The following ANAPC10 variants were observed in gnomAD, a reference collection of about 807,000 sequenced individuals.
The protein encoded by ANAPC10 is anaphase-promoting complex subunit 10.
A neutral mutation model predicts 22.0 loss-of-function variants in ANAPC10; 12 were observed. The ratio of observed to expected loss-of-function variants is 0.55; its 90% CI spans 0.35 to 0.88. The LOEUF is 0.88. Among genes scored for constraint, ANAPC10 ranks in the 40% least tolerant of loss-of-function variants. The pLI, the probability that ANAPC10 is intolerant of heterozygous loss-of-function variation, is 0.01. For missense variants in ANAPC10, 188 were observed against 220.9 expected (o/e 0.85, Z 0.94); for synonymous variants, 65 against 69.5 (o/e 0.94, Z 0.32).
intron 3 of ANAPC10, 111 bp downstream of exon 3, chr4:145,081,549 A>C: frequency 1.5e-6 from 1 of 665,108 alleles, no homozygotes. Context: ...CAGAGTTTAA[A>C]AAGTTAAGTG....
chr4:145,087,994 G>A (rs574972044), intron 2 of ANAPC10, among the ~76,000 whole-genome samples: 1 of 152,204 alleles, frequency 6.6e-6, no homozygotes, highest in South Asian at 2.1e-4. Context: ...GTTGCAGTGA[G>A]CTGAGATCGC....
At chr4:145,014,418 C>T (rs186808346) in intron 4 of ANAPC10, among the ~76,000 whole-genome samples, 156 of 152,216 alleles carry the variant, frequency 1.0e-3, no homozygotes, top group African/African-American at 3.7e-3. Context: ...CTATCCCCCA[C>T]AGCAGCTGCA....
At chr4:145,003,335 A>G (rs1424883024) in intron 4 of ANAPC10, among the ~76,000 whole-genome samples, 1 of 152,192 alleles carries the variant, frequency 6.6e-6, no homozygotes, top group Non-Finnish European at 1.5e-5. Context: ...AGCTGCAATG[A>G]ACATACATGT....
At chr4:145,038,281 G>T (rs1247379116) in intron 4 of ANAPC10, among the ~76,000 whole-genome samples, 4 of 152,202 alleles carry the variant, frequency 2.6e-5, no homozygotes, top group Non-Finnish European at 5.9e-5. Context: ...GGGAGGCCAA[G>T]GTAGGTGGAT....
In ANAPC10 at chr4:145,064,577, T is replaced by C; in HGVS notation, c.322A>G (p.Ile108Val). 6.2e-7 allele frequency: 1 copy of C among 1,602,312 alleles called. No homozygotes were observed. Residue 108 changes from isoleucine (I) to valine (V), a missense_variant, in exon 4 of 5, where the codon ATT becomes GTT. Coordinates refer to ENST00000507656, the MANE Select transcript of ANAPC10 (RefSeq NM_001256706.2). ...TAAAAATTTGAAAGACATACCCGAA[T>C]TTCTTGAAGGTTGTGAAAATTATTT... ...VGNNFHNLQE[I>V]RQLELVEPSG... is the part of the protein sequence containing the mutation.
rs1057221347 is a variant in ANAPC10, at chr4:145,060,541, T to C, written c.327+4031A>G. ...ACTTCAAATCAACAATTACAAAAAA[T>C]AAGCATCTCAAGTAAACAAATTCAT... On this transcript the variant is annotated intron_variant, in intron 4 of 4. Transcript: ENST00000507656. 2.6e-4 allele frequency among the ~76,000 whole-genome samples: 39 copies of C among 151,632 alleles called. 1 individual carries two copies. Among genetic ancestry groups the C allele is most frequent in the Non-Finnish European group, 5.8e-4 (39 of 67,788 alleles).
At chr4:144,996,286 A>T (rs191130291) in intron 4 of ANAPC10, among the ~76,000 whole-genome samples, 1 of 152,336 alleles carries the variant, frequency 6.6e-6, no homozygotes, top group Non-Finnish European at 1.5e-5. Context: ...CTGTCTACAG[A>T]CTGTAAAGAG....
At chr4:145,062,448 A>C (rs1214170273) in intron 4 of ANAPC10, among the ~76,000 whole-genome samples, 1 of 151,640 alleles carries the variant, frequency 6.6e-6, no homozygotes, top group African/African-American at 2.4e-5. Flanking sequence ...TCTACTAAAA[A>C]TAGAAAAAAT....
At chr4:145,057,243 C>T (rs80078362) in intron 4 of ANAPC10, among the ~76,000 whole-genome samples, 219 of 152,170 alleles carry the variant, frequency 1.4e-3, no homozygotes, top group African/African-American at 5.0e-3. Flanking sequence ...ACAATTACTC[C>T]AAAGAGTGCT....
chr4:145,020,277 AAC>A (rs1735782820), intron 4 of ANAPC10, among the ~76,000 whole-genome samples: 1 of 152,228 alleles, frequency 6.6e-6, no homozygotes, highest in African/African-American at 2.4e-5. Flanking sequence ...GGGATGGTTT[AAC>A]ATCCACAAGT....
chr4:145,061,775 G>A (rs1036430647), intron 4 of ANAPC10, among the ~76,000 whole-genome samples: 1 of 152,162 alleles, frequency 6.6e-6, no homozygotes, highest in African/African-American at 2.4e-5. Context: ...CTGATTAAAT[G>A]TATCAGATAT....
chr4:145,089,506 C>T (rs905123282), intron 2 of ANAPC10, among the ~76,000 whole-genome samples: 5 of 152,116 alleles, frequency 3.3e-5, no homozygotes, highest in African/African-American at 4.8e-5. Flanking sequence ...CCCTATTATA[C>T]GGTAGCAGTC....
chr4:145,057,214 C>T (rs1176760526), intron 4 of ANAPC10, among the ~76,000 whole-genome samples: 1 of 151,982 alleles, frequency 6.6e-6, no homozygotes, highest in Non-Finnish European at 1.5e-5. Context: ...TCATTAGTCC[C>T]CAATCTATAA....
At chr4:145,031,143 A>C (rs1036808881) in intron 4 of ANAPC10, among the ~76,000 whole-genome samples, 10 of 152,168 alleles carry the variant, frequency 6.6e-5, no homozygotes, top group African/African-American at 2.4e-4. Flanking sequence ...TTACTGTCCT[A>C]CCTCACGGGT....
intron 2 of ANAPC10, 102 bp from the exon 3 acceptor site, chr4:145,081,852 C>A: frequency 1.2e-6 from 1 of 801,144 alleles, no homozygotes; most frequent in Non-Finnish European, 2.1e-6. Flanking sequence ...TTTTGATAAA[C>A]AGAAAGGTCA....
chr4:145,031,774 G>T (rs1383416834), intron 4 of ANAPC10, among the ~76,000 whole-genome samples: 3 of 152,202 alleles, frequency 2.0e-5, no homozygotes, highest in Non-Finnish European at 4.4e-5. Context: ...CACAGCAAGG[G>T]CCTGCCATCT....
At chr4:145,015,948 A>C (rs1374000562) in intron 4 of ANAPC10, among the ~76,000 whole-genome samples, 1 of 152,146 alleles carries the variant, frequency 6.6e-6, no homozygotes, top group Non-Finnish European at 1.5e-5. Context: ...TCGAAACCTT[A>C]AAACAAATCC....
intron 4 of ANAPC10, among the ~76,000 whole-genome samples, chr4:145,022,434 T>C (rs998156867): frequency 6.6e-6 from 1 of 152,062 alleles, no homozygotes; most frequent in Non-Finnish European, 1.5e-5. Context: ...AAACATCGTA[T>C]ATTCTCACTG....
At chr4:145,078,000 A>G (rs186011799) in intron 3 of ANAPC10, among the ~76,000 whole-genome samples, 109 of 152,296 alleles carry the variant, frequency 7.2e-4, no homozygotes, top group Non-Finnish European at 8.5e-4. Flanking sequence ...TCTATTCAAC[A>G]TAGTTCTAGA....
Sources: gnomAD v4.1 joint callset for allele counts (sites outside exome capture counted in the v4.1 genomes callset) on GRCh38, gnomAD v4.1.1 for gene constraint, MANE v1.5 for transcripts, NCBI Gene and HGNC (gene_info 2026-07-23, HGNC 2026-07-21) for gene names.